The following CCDC88A variants were observed in gnomAD, a reference collection of about 807,000 sequenced individuals.
The protein encoded by CCDC88A is coiled-coil and HOOK domain protein 88A, also known as girdin.
Under a neutral mutation model 234.3 loss-of-function variants are expected in CCDC88A, and 54 were observed. That is an observed-to-expected ratio of 0.23 (90% confidence interval 0.19 to 0.29). The LOEUF is 0.29. Among genes scored for constraint, CCDC88A ranks in the 10% least tolerant of loss-of-function variants. The pLI is 1.00. For synonymous variants in CCDC88A, 753 were observed against 737.8 expected, an observed-to-expected ratio of 1.02 and a Z score of -0.33; for missense variants, 1,832 against 2,123.4, an observed-to-expected ratio of 0.86 and a Z score of 2.70.
chr2:55,349,359 T>C (rs1669580233), intron 9 of CCDC88A, 159 bp downstream of exon 9: 2 of 595,286 alleles, frequency 3.4e-6, no homozygotes, highest in East Asian at 3.0e-5. Flanking sequence ...TCTGACATTT[T>C]TGAAGAGAGA....
intron 23 of CCDC88A, among the ~76,000 whole-genome samples, chr2:55,310,868 G>A (rs930307500): frequency 6.6e-6 from 1 of 152,162 alleles, no homozygotes; most frequent in African/African-American, 2.4e-5. Flanking sequence ...CCTTTTACTT[G>A]TTGAAATATC....
chr2:55,377,107 C>G (rs1673769252), intron 3 of CCDC88A, among the ~76,000 whole-genome samples: 1 of 151,962 alleles, frequency 6.6e-6, no homozygotes, highest in Non-Finnish European at 1.5e-5. Flanking sequence ...GCTGGGATTA[C>G]AGGCATGAGC....
intron 2 of CCDC88A, chr2:55,403,318 C>A (rs1679029089): frequency 6.6e-6 from 1 of 152,198 alleles, no homozygotes; most frequent in South Asian, 2.1e-4. Context: ...ATAATCATCG[C>A]ACTTTGTTAT....
intron 3 of CCDC88A, among the ~76,000 whole-genome samples, chr2:55,384,650 C>CGTATATATGCGTATATATGCGT (rs1558789173): frequency 2.3e-4 from 1 of 4,258 alleles, no homozygotes; most frequent in African/African-American, 1.9e-3. Context: ...TGTATATATA[C>CGTATATATGCGTATATATGCGT]ATATATATAT....
chr2:55,374,455 G>A (rs1356015897), intron 4 of CCDC88A, among the ~76,000 whole-genome samples: 1 of 152,118 alleles, frequency 6.6e-6, no homozygotes, highest in East Asian at 1.9e-4. Flanking sequence ...GTAGATATAT[G>A]AATAGAAACC....
At chr2:55,410,675 G>A (rs1459426398) in intron 2 of CCDC88A, among the ~76,000 whole-genome samples, 2 of 152,086 alleles carry the variant, frequency 1.3e-5, no homozygotes, top group Non-Finnish European at 2.9e-5. Context: ...CTTGAACCCA[G>A]GAGATTGGAA....
At chr2:55,384,859 G>A (rs535630752) in intron 3 of CCDC88A, among the ~76,000 whole-genome samples, 4 of 151,578 alleles carry the variant, frequency 2.6e-5, no homozygotes, top group East Asian at 3.9e-4. Context: ...GTTTCACCAC[G>A]TTGGCCAGGC....
At chr2:55,304,533 A>C (rs757172991) in intron 25 of CCDC88A, among the ~76,000 whole-genome samples, 9 of 152,034 alleles carry the variant, frequency 5.9e-5, no homozygotes, top group Non-Finnish European at 1.2e-4. Context: ...GAGTATTTTG[A>C]TAGTAGTAAT....
At chr2:55,343,904 G>C in intron 11 of CCDC88A, 112 bp from the exon 12 acceptor site, 2 of 909,298 alleles carry the variant, frequency 2.2e-6, no homozygotes, top group South Asian at 4.7e-5. Context: ...TAATAATTAT[G>C]AGTTCTTTAA....
At chr2:55,292,064 C>A in intron 31 of CCDC88A, 1 of 239,952 alleles carries the variant, frequency 4.2e-6, no homozygotes, top group Admixed American at 5.5e-5. Flanking sequence ...AAATGGTCAC[C>A]TACAGTCTTA....
In CCDC88A at chr2:55,419,224, C is replaced by T. The variant is rs1681951200; in HGVS notation, c.-145G>A. 2 of 616,714 alleles carry T rather than the reference C, an allele frequency of 3.2e-6. No homozygotes were observed. The highest frequency in any genetic ancestry group is 1.9e-5 in the African/African-American group (1 of 54,042). The allele number at this position is 616,714 out of a possible 1,614,324, so 38.2% of individuals were successfully genotyped here. A position where few individuals can be genotyped will look rare whatever the true frequency, so the allele number is the denominator to read the frequency against. On this transcript the variant is annotated 5_prime_UTR_variant, in exon 1 of 33. Transcript: ENST00000436346. Reference sequence around the variant, plus strand: ...CCATCGTGGAGGAGGGGGGCACTCTCCCTCCTCAAAAAACACCCCAGAGTG... The same window carrying T: ...CCATCGTGGAGGAGGGGGGCACTCTTCCTCCTCAAAAAACACCCCAGAGTG...
chr2:55,293,902 C>T (rs1448046216), intron 31 of CCDC88A: 1 of 146,456 alleles, frequency 6.8e-6, no homozygotes, highest in East Asian at 2.0e-4. Context: ...TCAAAGTTAA[C>T]AAATATTTTC....
intron 2 of CCDC88A, among the ~76,000 whole-genome samples, chr2:55,389,234 C>CTAG (rs1429345404): frequency 6.6e-6 from 1 of 152,086 alleles, no homozygotes; most frequent in African/African-American, 2.4e-5. Context: ...AAAATATGGG[C>CTAG]TAATAATAAC....
intron 5 of CCDC88A, among the ~76,000 whole-genome samples, chr2:55,372,040 CT>C (rs967099577): frequency 4.6e-5 from 7 of 151,776 alleles, no homozygotes; most frequent in African/African-American, 1.7e-4. Flanking sequence ...CCTTTTTTAC[CT>C]TTTTTTTCTT....
intron 28 of CCDC88A, 140 bp downstream of exon 28, chr2:55,301,066 A>G: frequency 1.6e-6 from 1 of 609,722 alleles, no homozygotes; most frequent in Non-Finnish European, 2.9e-6. Context: ...GGTTTGAAGA[A>G]ATGGTAGAGG....
At chr2:55,318,167 A>G (rs1437388) in intron 19 of CCDC88A, among the ~76,000 whole-genome samples, 23,583 of 152,124 alleles carry the variant, frequency 0.16, 5,027 homozygotes, top group African/African-American at 0.48. Flanking sequence ...AATTTGAAGT[A>G]CTAGTTTATC....
rs1002128161 is a variant in CCDC88A, at chr2:55,328,330, C to T, written c.2961G>A (p.Thr987=). The change falls in exon 17 of 33, where the codon ACG becomes ACA. Residue 987 remains threonine, a synonymous_variant. Transcript: ENST00000436346. This position sits in a 1 kb window ranked among gnomAD's most constrained non-coding sequence, Gnocchi z 4.3. ...CTTGGCGCAATTGCTGGTTATAATT[C>T]GTGGATTCTTCTAATCGAGCTTCTA... ...AALEARLEES[T]NYNQQLRQEL... is the part of the protein sequence containing the mutation. 10 of 1,599,966 alleles carry T rather than the reference C, an allele frequency of 6.3e-6. No homozygotes were observed. Among genetic ancestry groups the T allele is most frequent in the South Asian group, 1.1e-5 (1 of 87,156 alleles).
In CCDC88A at chr2:55,344,403, A is replaced by G; in HGVS notation, c.1153T>C (p.Leu385=). 1.9e-6 allele frequency: 3 copies of G among 1,594,060 alleles called. No individual in the cohort carries two copies. The highest frequency in any genetic ancestry group is 2.6e-6 in the Non-Finnish European group (3 of 1,168,796). The change falls in exon 11 of 33, where the codon TTA becomes CTA. Residue 385 remains leucine (L), a synonymous_variant. Transcript: ENST00000436346. ...DKLHELEKEN[L]QLKAKLHDME... is the part of the protein sequence containing the mutation. ...TCATGAAGTTTAGCTTTCAGTTGTA[A>G]GTTCTCTTTTTCTAATTCATGTAAT...
rs1254124818 is a variant in CCDC88A at position 55,288,649 on chromosome 2, G to T, written c.*2551C>A. ...TGGTAACCACCAATTTAAAAATTTG[G>T]ATGAAAGCATTTCCACATGGACAGA... On this transcript the variant is annotated 3_prime_UTR_variant, in exon 33 of 33. Transcript: ENST00000436346. 1 of 152,590 alleles carries T rather than the reference G, an allele frequency of 6.6e-6. No homozygotes were observed. 9.5% of individuals were successfully genotyped at this position (152,590 alleles called of 1,614,324 possible).
Sources: gnomAD v4.1 joint callset for allele counts (sites outside exome capture counted in the v4.1 genomes callset) on GRCh38, gnomAD v4.1.1 for gene constraint, Gnocchi (gnomAD v3.1) non-coding constraint, MANE v1.5 for transcripts, NCBI Gene and HGNC (gene_info 2026-07-23, HGNC 2026-07-21) for gene names.